GRIP1: variants seen among roughly 807,000 people sequenced by gnomAD.
GRIP1 encodes the protein glutamate receptor interacting protein 1, also known as glutamate receptor-interacting protein 1.
Under a neutral mutation model 129.9 loss-of-function variants are expected in GRIP1, and 45 were observed. The observed-to-expected ratio is 0.35, with a 90% CI of 0.27 to 0.44. The LOEUF is 0.44. Among genes scored for constraint, GRIP1 ranks in the 20% least tolerant of loss-of-function variants. GRIP1 has a pLI of 1.00. For synonymous variants in GRIP1, 530 were observed against 520.8 expected (o/e 1.02, Z -0.24); for missense variants, 1,196 against 1,396.8 (o/e 0.86, Z 2.29).
chr12:67,045,785 A>T (rs1010999648), intron 1 of GRIP1, among the ~76,000 whole-genome samples: 1 of 152,330 alleles, frequency 6.6e-6, no homozygotes, highest in African/African-American at 2.4e-5. Flanking sequence ...AAACTGACTT[A>T]AGTGTTTTGT....
At chr12:66,569,360 C>A (rs1404736501) in intron 2 of GRIP1, among the ~76,000 whole-genome samples, 1 of 152,096 alleles carries the variant, frequency 6.6e-6, no homozygotes, top group Non-Finnish European at 1.5e-5. Context: ...GCCTGCAATC[C>A]CAGCTACTGG....
At chr12:66,808,632 A>C (rs1487130344), upstream of GRIP1, among the ~76,000 whole-genome samples, 1 of 152,044 alleles carries the variant, frequency 6.6e-6, no homozygotes, top group Admixed American at 6.6e-5. Context: ...GCAAACATCT[A>C]AAGTCAAGAG....
chr12:67,040,577 G>A (rs1432347274), intron 1 of GRIP1, among the ~76,000 whole-genome samples: 2 of 152,144 alleles, frequency 1.3e-5, no homozygotes, highest in Non-Finnish European at 2.9e-5. Flanking sequence ...GTTTAGACAG[G>A]GAGGTAAGAA....
At chr12:66,992,523 C>G (rs2042408632) in intron 1 of GRIP1, among the ~76,000 whole-genome samples, 1 of 146,494 alleles carries the variant, frequency 6.8e-6, no homozygotes, top group South Asian at 2.2e-4. Context: ...CTTGGTAAAT[C>G]TATTTAAAAA....
intron 1 of GRIP1, among the ~76,000 whole-genome samples, chr12:66,967,060 T>A (rs2042008552): frequency 6.6e-6 from 1 of 152,248 alleles, no homozygotes; most frequent in Non-Finnish European, 1.5e-5. Flanking sequence ...TATTGAAAGA[T>A]ATTTTTGTTG....
chr12:66,737,133 C>A (rs2036629544), intron 1 of GRIP1, among the ~76,000 whole-genome samples: 1 of 152,136 alleles, frequency 6.6e-6, no homozygotes, highest in South Asian at 2.1e-4. Flanking sequence ...CCCTTGGATA[C>A]AGGGGTTACT....
chr12:66,739,043 A>G (rs528769732), intron 1 of GRIP1, among the ~76,000 whole-genome samples: 1 of 152,294 alleles, frequency 6.6e-6, no homozygotes, highest in African/African-American at 2.4e-5. Flanking sequence ...ATAAGTCAGT[A>G]CATTCTCCAG....
intron 1 of GRIP1, among the ~76,000 whole-genome samples, chr12:67,014,527 T>C (rs1055608793): frequency 2.0e-5 from 3 of 152,130 alleles, no homozygotes; most frequent in Non-Finnish European, 4.4e-5. Flanking sequence ...TACATATTGA[T>C]AGCCTGAGAG....
At chr12:67,056,946 T>C (rs775530733) in intron 1 of GRIP1, among the ~76,000 whole-genome samples, 1 of 152,048 alleles carries the variant, frequency 6.6e-6, no homozygotes, top group Non-Finnish European at 1.5e-5. Context: ...AAGTAGCTGG[T>C]ATTACAGGTG....
chr12:66,456,583 G>A (rs1041444935), intron 9 of GRIP1, among the ~76,000 whole-genome samples: 6 of 151,952 alleles, frequency 3.9e-5, no homozygotes, highest in South Asian at 2.1e-4. Flanking sequence ...TCCTCAGCTC[G>A]TTTTTTCTTC....
chr12:66,955,184 G>A (rs921284792), intron 1 of GRIP1, among the ~76,000 whole-genome samples: 5 of 152,144 alleles, frequency 3.3e-5, no homozygotes, highest in African/African-American at 9.7e-5. Context: ...ACTGGGACTG[G>A]AGCAGTGGAA....
intron 1 of GRIP1, among the ~76,000 whole-genome samples, chr12:66,736,394 G>T (rs1592791427): frequency 1.6e-5 from 1 of 61,710 alleles, no homozygotes; most frequent in Non-Finnish European, 3.6e-5. Context: ...TTTTTTTTTA[G>T]GATACAGGGT....
chr12:66,865,062 G>A (rs1040128259), intron 1 of GRIP1, among the ~76,000 whole-genome samples: 1 of 152,130 alleles, frequency 6.6e-6, no homozygotes, highest in Admixed American at 6.6e-5. Context: ...ACGATCTGCT[G>A]TGTTAAATGA....
intron 1 of GRIP1, among the ~76,000 whole-genome samples, chr12:66,772,810 G>T (rs2037860309): frequency 6.6e-6 from 1 of 152,140 alleles, no homozygotes; most frequent in Non-Finnish European, 1.5e-5. Context: ...GCACAAATGG[G>T]AGGGAAAGAG....
At chr12:66,646,645 T>C (rs1417008862) in intron 1 of GRIP1, among the ~76,000 whole-genome samples, 1 of 152,210 alleles carries the variant, frequency 6.6e-6, no homozygotes, top group Non-Finnish European at 1.5e-5. Context: ...AATCTTGAGA[T>C]ATTTTTATTT....
intron 1 of GRIP1, among the ~76,000 whole-genome samples, chr12:66,873,989 A>C (rs990000372): frequency 2.0e-5 from 3 of 152,074 alleles, no homozygotes; most frequent in African/African-American, 7.2e-5. Flanking sequence ...TTCTGGCAAA[A>C]ACAAGTTCTG....
chr12:66,414,615 A>T (rs976746251), intron 15 of GRIP1, among the ~76,000 whole-genome samples: 3 of 151,932 alleles, frequency 2.0e-5, no homozygotes, highest in Non-Finnish European at 4.4e-5. Context: ...CATATGGAAT[A>T]AAAAAAGAGC....
rs1398025922 is a variant in GRIP1 at position 66,729,159 on chromosome 12, A to G, written c.-420+74894T>C. On this transcript the variant is annotated intron_variant, in intron 1 of 4. Coordinates refer to the GRIP1 transcript ENST00000538373. Reference sequence around the variant, plus strand: ...CACCTTGGCCTCCAGGGTAGCTGGGACTATAGATGTGCACCACTGAGCCTA... The same window carrying G: ...CACCTTGGCCTCCAGGGTAGCTGGGGCTATAGATGTGCACCACTGAGCCTA... Among the ~76,000 whole-genome samples the G allele has an allele frequency of 2.0e-5, 3 of 151,878 alleles. No homozygotes were observed. In the East Asian group the frequency reaches 5.8e-4, roughly 29 times the overall value.
At chr12:66,989,501 C>A (rs1335833992) in intron 1 of GRIP1, among the ~76,000 whole-genome samples, 1 of 152,128 alleles carries the variant, frequency 6.6e-6, no homozygotes, top group Non-Finnish European at 1.5e-5. Flanking sequence ...TGGAGTAAGA[C>A]CCATCTGTTT....
Sources: gnomAD v4.1 joint callset for allele counts (sites outside exome capture counted in the v4.1 genomes callset) on GRCh38, gnomAD v4.1.1 for gene constraint, MANE v1.5 for transcripts, NCBI Gene and HGNC (gene_info 2026-07-23, HGNC 2026-07-21) for gene names.